The following VIPR2 variants were observed in gnomAD, a reference collection of about 807,000 sequenced individuals.
VIPR2 encodes vasoactive intestinal polypeptide receptor 2.
Under a neutral mutation model 58.0 loss-of-function variants are expected in VIPR2, and 48 were observed. The ratio of observed to expected loss-of-function variants is 0.83; its 90% confidence interval spans 0.66 to 1.05. The LOEUF (loss-of-function observed/expected upper bound fraction) is 1.05, where lower values mean the gene tolerates loss of function less well. Ranked by LOEUF, VIPR2 falls within the 50% of genes least tolerant of loss-of-function variation. The pLI is 0.00. For missense variants in VIPR2, 534 were observed against 558.0 expected, an observed-to-expected ratio of 0.96 and a Z score of 0.43; for synonymous variants, 243 against 235.2, an observed-to-expected ratio of 1.03 and a Z score of -0.30.
In VIPR2 at chr7:159,088,532, C is replaced by T. The variant is rs114057524; in HGVS notation, c.357+15225G>A. Among the ~76,000 whole-genome samples the T allele has an allele frequency of 1.7e-3, 261 of 152,150 alleles. 1 individual carries two copies. Among genetic ancestry groups the T allele is most frequent in the African/African-American group, 5.9e-3 (245 of 41,504 alleles). ...GCAGCACAGCTGTACACCTGCACAC[C>T]TGCTGCAGCACACCTATACACCTGC... On this transcript the variant is annotated intron_variant, in intron 4 of 12. Transcript: ENST00000262178.
chr7:159,135,867 T>C (rs1797197872), intron 2 of VIPR2, among the ~76,000 whole-genome samples: 1 of 152,130 alleles, frequency 6.6e-6, no homozygotes, highest in Non-Finnish European at 1.5e-5. Context: ...CATCAGCAAA[T>C]GTCAGCCGGA....
chr7:159,103,961 C>T, intron 3 of VIPR2, 107 bp from the exon 4 acceptor site: 1 of 931,012 alleles, frequency 1.1e-6, no homozygotes, highest in Admixed American at 2.0e-5. Context: ...CTTCCCACAC[C>T]CAGGGGTCAG....
At chr7:159,129,898 G>A (rs113680246) in intron 2 of VIPR2, among the ~76,000 whole-genome samples, 1 of 78,730 alleles carries the variant, frequency 1.3e-5, no homozygotes, top group Non-Finnish European at 2.2e-5. Flanking sequence ...TGGCCTCTGG[G>A]GGGGACAGGG....
chr7:159,113,641 A>G (rs546740876), intron 2 of VIPR2, among the ~76,000 whole-genome samples: 118 of 152,308 alleles, frequency 7.7e-4, no homozygotes, highest in African/African-American at 2.8e-3. Context: ...AAAACCCAGC[A>G]ACAGAAAAAC....
At chr7:159,071,561 CT>C (rs1856394089) in intron 4 of VIPR2, among the ~76,000 whole-genome samples, 1 of 152,238 alleles carries the variant, frequency 6.6e-6, no homozygotes, top group South Asian at 2.1e-4. Flanking sequence ...CCCAGGCCCC[CT>C]CCTTGTCCAG....
At chr7:159,137,238 G>C (rs1167749038) in intron 2 of VIPR2, among the ~76,000 whole-genome samples, 1 of 152,166 alleles carries the variant, frequency 6.6e-6, no homozygotes, top group Admixed American at 6.5e-5. Flanking sequence ...GTGCACTTCT[G>C]AGTGGCCCAC....
chr7:159,053,121 T>C (rs1196044050), intron 5 of VIPR2, among the ~76,000 whole-genome samples: 2 of 152,136 alleles, frequency 1.3e-5, no homozygotes, highest in Non-Finnish European at 2.9e-5. Flanking sequence ...CTTTTTTTTT[T>C]CTTTTTCCTT....
At chr7:159,042,747 C>T (rs752924419) in intron 6 of VIPR2, among the ~76,000 whole-genome samples, 7 of 152,184 alleles carry the variant, frequency 4.6e-5, no homozygotes, top group African/African-American at 1.7e-4. Flanking sequence ...GAAGGGTGTG[C>T]CTTTCCTCAG....
intron 2 of VIPR2, among the ~76,000 whole-genome samples, chr7:159,119,329 T>G (rs1362047462): frequency 6.6e-6 from 1 of 152,150 alleles, no homozygotes; most frequent in Non-Finnish European, 1.5e-5. Context: ...AGGTAGGAAG[T>G]GATCACAAGC....
At chr7:159,056,511 TGTCA>T in intron 5 of VIPR2, among the ~76,000 whole-genome samples, 1 of 152,290 alleles carries the variant, frequency 6.6e-6, no homozygotes, top group Admixed American at 6.5e-5. Flanking sequence ...GAACCGTCTC[TGTCA>T]GTCCCTGGGT....
intron 2 of VIPR2, among the ~76,000 whole-genome samples, chr7:159,112,720 A>C (rs1275103815): frequency 1.9e-5 from 2 of 107,536 alleles, no homozygotes; most frequent in Non-Finnish European, 3.9e-5. Context: ...TGTGAGGAGG[A>C]GACTCACGGC....
At chr7:159,117,370 C>A (rs1796275913) in intron 2 of VIPR2, 3 of 717,376 alleles carry the variant, frequency 4.2e-6, no homozygotes. Context: ...CCTCTTTAAA[C>A]CTCCGGCGTG....
chr7:159,086,084 G>A (rs771500053), intron 4 of VIPR2, among the ~76,000 whole-genome samples: 1 of 152,158 alleles, frequency 6.6e-6, no homozygotes, highest in Non-Finnish European at 1.5e-5. Flanking sequence ...ATGTTAATAA[G>A]AGGCACTGGG....
Position 159,093,939 on chromosome 7 carries a change from C to T in VIPR2, c.357+9818G>A, listed in dbSNP as rs996925475. Among the ~76,000 whole-genome samples, 5 of 152,128 alleles carry T rather than the reference C, an allele frequency of 3.3e-5. No homozygotes were observed. The highest frequency in any genetic ancestry group is 2.1e-4 in the South Asian group (1 of 4,834). ...CTTTCAGGGCTGGTGGTCATGTCTG[C>T]GTGATGGAAAGGGAGCAGGAAGCTG... On this transcript the variant is annotated intron_variant, in intron 4 of 12. Coordinates refer to ENST00000262178, the MANE Select transcript of VIPR2 (RefSeq NM_003382.5). The surrounding 1 kb of genome is among the most constrained non-coding windows in gnomAD (Gnocchi z 6.7).
rs550256395 is a variant in VIPR2, at chr7:159,034,891, C to T, written c.810-241G>A. On this transcript the variant is annotated intron_variant, in intron 8 of 12. Transcript: ENST00000262178. ...GGAGGTGCGGCCCCAGAAGCCAGGA[C>T]AAGGGCAGGAGGGCTGCTGACGCCC... is the stretch of plus-strand genomic sequence containing the variant. Among the ~76,000 whole-genome samples the T allele has an allele frequency of 3.9e-4, 60 of 152,248 alleles. 1 individual carries two copies. Among genetic ancestry groups the T allele is most frequent in the Admixed American group, 3.5e-3 (53 of 15,306 alleles).
At chr7:159,035,689 C>T (rs1454103678) in intron 8 of VIPR2, 5 of 985,190 alleles carry the variant, frequency 5.1e-6, no homozygotes, top group Non-Finnish European at 6.0e-6. Flanking sequence ...AGGGGCTGCC[C>T]CAGTCTCTGC....
At chr7:159,071,727 G>T (rs976875310) in intron 4 of VIPR2, among the ~76,000 whole-genome samples, 2 of 152,234 alleles carry the variant, frequency 1.3e-5, no homozygotes, top group African/African-American at 4.8e-5. Flanking sequence ...GCCATGAAAA[G>T]TGCAGTCACA....
intron 4 of VIPR2, among the ~76,000 whole-genome samples, chr7:159,059,556 A>G (rs546336851): frequency 6.6e-6 from 1 of 152,320 alleles, no homozygotes; most frequent in African/African-American, 2.4e-5. Context: ...ATCATTTAGA[A>G]CATATTAACC....
intron 4 of VIPR2, among the ~76,000 whole-genome samples, chr7:159,069,555 A>G (rs1163338088): frequency 6.6e-6 from 1 of 152,070 alleles, no homozygotes; most frequent in African/African-American, 2.4e-5. Context: ...GCCTCACAAA[A>G]ACTCTGGAAA....
Sources: allele counts gnomAD v4.1 joint callset (sites outside exome capture counted in the v4.1 genomes callset), GRCh38; gene constraint gnomAD v4.1.1; non-coding constraint Gnocchi (gnomAD v3.1); transcripts MANE v1.5; gene names NCBI Gene and HGNC (gene_info 2026-07-23, HGNC 2026-07-21).